RBL1: variants seen among roughly 807,000 people sequenced by gnomAD.
RBL1 encodes the protein retinoblastoma-like protein 1.
Under a neutral mutation model 123.0 loss-of-function variants are expected in RBL1, and 82 were observed. That is an observed-to-expected ratio of 0.67 (90% confidence interval 0.56 to 0.80). The LOEUF (loss-of-function observed/expected upper bound fraction) is 0.80. Ranked by LOEUF, RBL1 falls within the 30% of genes least tolerant of loss-of-function variation. The probability of loss-of-function intolerance (pLI) is 0.00; values close to 1 mark genes in which losing one functional copy is unlikely to be tolerated. For missense variants in RBL1, 1,171 were observed against 1,299.6 expected (o/e 0.90, Z 1.52); for synonymous variants, 405 against 441.3 (o/e 0.92, Z 1.03).
intron 9 of RBL1, among the ~76,000 whole-genome samples, chr20:37,059,977 A>G (rs2146292224): frequency 6.6e-6 from 1 of 152,110 alleles, no homozygotes; most frequent in African/African-American, 2.4e-5. Context: ...GTTTGAGACC[A>G]GCTTGACCAA....
In RBL1 at chr20:37,033,079, G is replaced by A. The variant is rs1241622254; in HGVS notation, c.2171-203C>T. 4.7e-5 allele frequency among the ~76,000 whole-genome samples: 7 copies of A among 148,128 alleles called. No homozygotes were observed. In the Admixed American group the frequency reaches 4.8e-4, roughly 10 times the overall value. ...GTCACTCAGGCTGGAGTGCAGTGGCGCCATCTCAGCTCACTGTGGCCTCGA... is the reference window on the plus strand; with the variant it reads ...GTCACTCAGGCTGGAGTGCAGTGGCACCATCTCAGCTCACTGTGGCCTCGA... On this transcript the variant is annotated intron_variant, in intron 15 of 21. Transcript: ENST00000373664.
At chr20:37,088,036 G>A (rs73620265) in intron 2 of RBL1, among the ~76,000 whole-genome samples, 6 of 152,028 alleles carry the variant, frequency 3.9e-5, no homozygotes, top group African/African-American at 9.7e-5. Context: ...AGGCTGAGGC[G>A]GGTGGATCAC....
chr20:37,086,702 AG>A (rs1325959097), intron 2 of RBL1, among the ~76,000 whole-genome samples: 7 of 152,236 alleles, frequency 4.6e-5, no homozygotes, highest in Non-Finnish European at 1.0e-4. Flanking sequence ...AAAGAATATT[AG>A]CATGAATCCA....
intron 21 of RBL1, among the ~76,000 whole-genome samples, chr20:37,000,821 C>T (rs2063962433): frequency 2.3e-5 from 3 of 131,084 alleles, no homozygotes; most frequent in African/African-American, 6.1e-5. Context: ...AGGTGAGGGG[C>T]GCCTCTGCCT....
chr20:37,051,187 C>A (rs11697703), intron 11 of RBL1, among the ~76,000 whole-genome samples: 7 of 85,136 alleles, frequency 8.2e-5, no homozygotes, highest in Non-Finnish European at 1.3e-4. Context: ...ATCTTTTTTT[C>A]TTTTTTTTTT....
At chr20:37,078,988 A>C (rs926151024) in intron 2 of RBL1, among the ~76,000 whole-genome samples, 1 of 152,086 alleles carries the variant, frequency 6.6e-6, no homozygotes, top group Non-Finnish European at 1.5e-5. Flanking sequence ...CTTGGAGCTC[A>C]GGAGTTCAAG....
chr20:37,030,854 C>CAAA (rs111256421), intron 16 of RBL1, among the ~76,000 whole-genome samples: 3 of 101,912 alleles, frequency 2.9e-5, no homozygotes, highest in South Asian at 3.2e-4. Flanking sequence ...GACTCTGTCT[C>CAAA]AAAAAAAAAA....
intron 19 of RBL1, among the ~76,000 whole-genome samples, chr20:37,017,423 A>G (rs1470591498): frequency 6.6e-6 from 1 of 151,984 alleles, no homozygotes; most frequent in East Asian, 1.9e-4. Flanking sequence ...ATACACCTGA[A>G]ATACATGGAA....
chr20:37,093,471 T>C (rs754183140), intron 1 of RBL1, among the ~76,000 whole-genome samples: 17 of 151,792 alleles, frequency 1.1e-4, no homozygotes, highest in Non-Finnish European at 1.0e-4. Flanking sequence ...AGATACTATC[T>C]CCACAAAAAA....
chr20:37,076,896 C>T (rs1019157486), intron 2 of RBL1, among the ~76,000 whole-genome samples: 2 of 151,974 alleles, frequency 1.3e-5, no homozygotes, highest in Non-Finnish European at 2.9e-5. Flanking sequence ...GTCCTTTATA[C>T]CCTTTACCAA....
intron 11 of RBL1, among the ~76,000 whole-genome samples, chr20:37,048,901 TAA>T (rs948529702): frequency 1.5e-4 from 17 of 111,234 alleles, no homozygotes; most frequent in Admixed American, 9.6e-5. Context: ...ACCATCGTAT[TAA>T]AAAAAAAAAA....
At chr20:37,018,210 C>T (rs2064287310) in intron 19 of RBL1, 69 bp downstream of exon 19, 8 of 1,410,620 alleles carry the variant, frequency 5.7e-6, no homozygotes, top group Non-Finnish European at 7.4e-6. Flanking sequence ...TGTTGTCTGA[C>T]ACCCACTGTA....
At chr20:37,030,189 T>G (rs895831622) in intron 16 of RBL1, among the ~76,000 whole-genome samples, 11 of 152,218 alleles carry the variant, frequency 7.2e-5, no homozygotes, top group African/African-American at 2.4e-4. Context: ...TTAAAACTTA[T>G]GACACAAAGC....
Position 36,998,529 on chromosome 20 carries a change from A to G in RBL1, c.*230T>C. 2.3e-6 allele frequency: 1 copy of G among 436,888 alleles called. No individual in the cohort carries two copies. Among genetic ancestry groups the G allele is most frequent in the Non-Finnish European group, 4.0e-6 (1 of 247,364 alleles). The allele number at this position is 436,888 out of a possible 1,614,324, so 27.1% of individuals were successfully genotyped here. A position where few individuals can be genotyped will look rare whatever the true frequency, so the allele number is the denominator to read the frequency against. ...GTGAGCCACAGCGCCTGGCCGGACT[A>G]TTAGTATTTTTAAAAGGCACTTAAA... On this transcript the variant is annotated 3_prime_UTR_variant, in exon 22 of 22. Coordinates refer to ENST00000373664, the MANE Select transcript of RBL1 (RefSeq NM_002895.5).
At chr20:37,004,183 C>T (rs1295358442) in intron 20 of RBL1, among the ~76,000 whole-genome samples, 1 of 151,362 alleles carries the variant, frequency 6.6e-6, no homozygotes, top group Non-Finnish European at 1.5e-5. Context: ...CAATTCTCCT[C>T]CCTCAGCCTC....
chr20:37,051,375 T>C (rs886996064), intron 11 of RBL1, among the ~76,000 whole-genome samples: 1 of 152,146 alleles, frequency 6.6e-6, no homozygotes, highest in African/African-American at 2.4e-5. Flanking sequence ...GAGACAGGGT[T>C]TCACCATGTT....
chr20:37,070,691 A>C (rs2146310117), intron 2 of RBL1, among the ~76,000 whole-genome samples: 1 of 152,200 alleles, frequency 6.6e-6, no homozygotes, highest in South Asian at 2.1e-4. Flanking sequence ...AAAAAAACTT[A>C]ATAGTTCTGG....
chr20:37,089,056 C>T lies in RBL1; in HGVS notation c.223G>A (p.Val75Ile). The change falls in exon 2 of 22, where the codon GTT (valine) becomes ATT (isoleucine). Residue 75 changes from valine (V) to isoleucine (I), a missense_variant. Val to Ile is a conservative substitution (Grantham distance 29, BLOSUM62 3). Coordinates refer to ENST00000373664, the MANE Select transcript of RBL1 (RefSeq NM_002895.5). Reference protein sequence around the residue: ...VACRKSIIPTVGKGIMEGNCV... With the variant: ...VACRKSIIPTIGKGIMEGNCV... ...TTGCCTTCCATGATACCCTTTCCAA[C>T]CGTGGGAATAATGCTTTTGCGGCAT... 2 of 1,612,480 alleles carry T rather than the reference C, an allele frequency of 1.2e-6. No homozygotes were observed. Among genetic ancestry groups the T allele is most frequent in the South Asian group, 1.1e-5 (1 of 90,866 alleles).
intron 20 of RBL1, 138 bp downstream of exon 20, chr20:37,007,273 A>T: frequency 2.3e-6 from 2 of 883,402 alleles, no homozygotes; most frequent in Non-Finnish European, 3.4e-6. Context: ...CCATAGCCTT[A>T]ATCACTGATT....
Sources: gnomAD v4.1 joint callset for allele counts (sites outside exome capture counted in the v4.1 genomes callset) on GRCh38, gnomAD v4.1.1 for gene constraint, MANE v1.5 for transcripts, NCBI Gene and HGNC (gene_info 2026-07-23, HGNC 2026-07-21) for gene names.